GRM1: variants seen among roughly 807,000 people sequenced by gnomAD.
GRM1 encodes metabotropic glutamate receptor 1.
Under a neutral mutation model 90.9 loss-of-function variants are expected in GRM1, and 33 were observed. That is an observed-to-expected ratio of 0.36 (90% CI 0.28 to 0.49). The LOEUF (loss-of-function observed/expected upper bound fraction) is 0.49, where lower values mean the gene tolerates loss of function less well. Ranked by LOEUF, GRM1 falls within the 20% of genes least tolerant of loss-of-function variation. The pLI is 0.99. For synonymous variants in GRM1, 700 were observed against 613.2 expected, an observed-to-expected ratio of 1.14 and a Z score of -2.09; for missense variants, 1,190 against 1,534.3, an observed-to-expected ratio of 0.78 and a Z score of 3.75.
At chr6:146,193,412 T>G (rs2114589310) in intron 2 of GRM1, among the ~76,000 whole-genome samples, 1 of 152,236 alleles carries the variant, frequency 6.6e-6, no homozygotes, top group East Asian at 1.9e-4. Flanking sequence ...GTAAAGAGAC[T>G]GAGACACTGC....
chr6:146,040,945 T>C (rs867068923), intron 1 of GRM1, among the ~76,000 whole-genome samples: 23 of 151,938 alleles, frequency 1.5e-4, no homozygotes, highest in Non-Finnish European at 2.8e-4. Flanking sequence ...TCTTTTTTTT[T>C]CTTTTTTCTC....
At chr6:146,247,623 C>T (rs907934632) in intron 2 of GRM1, among the ~76,000 whole-genome samples, 30 of 151,176 alleles carry the variant, frequency 2.0e-4, no homozygotes, top group East Asian at 1.8e-3. Context: ...TGATGGGGCA[C>T]GCCTGTAATC....
chr6:146,404,734 G>T (rs536947355), intron 7 of GRM1, among the ~76,000 whole-genome samples: 4 of 152,130 alleles, frequency 2.6e-5, no homozygotes, highest in Admixed American at 2.6e-4. Flanking sequence ...GAAGAGTATA[G>T]AATATAGATA....
At chr6:146,112,315 G>T (rs1181075796) in intron 1 of GRM1, among the ~76,000 whole-genome samples, 1 of 150,652 alleles carries the variant, frequency 6.6e-6, no homozygotes, top group South Asian at 2.1e-4. Flanking sequence ...TATAAGGAAT[G>T]AAGAATTTAC....
chr6:146,103,793 G>A (rs887603822), intron 1 of GRM1, among the ~76,000 whole-genome samples: 1 of 152,182 alleles, frequency 6.6e-6, no homozygotes, highest in African/African-American at 2.4e-5. Flanking sequence ...GATGATTAAG[G>A]CAAGATTCCT....
At chr6:146,218,910 A>G (rs1779963275) in intron 2 of GRM1, among the ~76,000 whole-genome samples, 1 of 152,214 alleles carries the variant, frequency 6.6e-6, no homozygotes, top group Admixed American at 6.5e-5. Context: ...CTGCACCACC[A>G]TTAAATCTGT....
chr6:146,331,020 C>T (rs1429370572), intron 3 of GRM1, among the ~76,000 whole-genome samples: 1 of 152,076 alleles, frequency 6.6e-6, no homozygotes, highest in Non-Finnish European at 1.5e-5. Context: ...ACTGATAGGA[C>T]AAGGAAGCAC....
intron 7 of GRM1, among the ~76,000 whole-genome samples, chr6:146,420,088 G>A (rs1777935686): frequency 1.3e-5 from 2 of 152,180 alleles, no homozygotes; most frequent in Admixed American, 1.3e-4. Flanking sequence ...CATTGGGTGG[G>A]TCAGAAAGAT....
intron 5 of GRM1, among the ~76,000 whole-genome samples, chr6:146,366,804 G>T: frequency 6.6e-6 from 1 of 152,024 alleles, no homozygotes; most frequent in East Asian, 1.9e-4. Context: ...TTATTAATCT[G>T]TTGTTGAATG....
Position 146,425,118 on chromosome 6 carries a change from G to C in GRM1, c.2661-8754G>C, listed in dbSNP as rs73785364. On this transcript the variant is annotated intron_variant, in intron 7 of 7. Transcript: ENST00000282753. ...TTGATGAGGATTTCAAATTACTCTC[G>C]GTAAATCATGCACCTTTAAATGATT... Among the ~76,000 whole-genome samples the C allele has an allele frequency of 2.6e-5, 4 of 152,000 alleles. No individual in the cohort carries two copies. The South Asian group carries it at 8.3e-4, about 32-fold the overall frequency.
intron 1 of GRM1, among the ~76,000 whole-genome samples, chr6:146,123,966 A>C (rs570875692): frequency 6.6e-6 from 1 of 152,362 alleles, no homozygotes; most frequent in East Asian, 1.9e-4. Context: ...TTCGAGTTTT[A>C]GTAATAAAAC....
At chr6:146,330,364 C>G (rs7758197) in intron 3 of GRM1, among the ~76,000 whole-genome samples, 141 of 152,152 alleles carry the variant, frequency 9.3e-4, no homozygotes, top group Admixed American at 2.8e-3. Context: ...TGAGTTTTTA[C>G]TAGGGAAACA....
intron 6 of GRM1, among the ~76,000 whole-genome samples, chr6:146,394,082 C>A (rs1316184098): frequency 6.6e-6 from 1 of 152,100 alleles, no homozygotes; most frequent in Non-Finnish European, 1.5e-5. Context: ...TGAAACTGAA[C>A]CTCTTCCTTA....
chr6:146,266,206 A>G (rs1009307014), intron 2 of GRM1, among the ~76,000 whole-genome samples: 1 of 152,208 alleles, frequency 6.6e-6, no homozygotes, highest in African/African-American at 2.4e-5. Context: ...AATACATATT[A>G]GAGAGTTAAC....
chr6:146,107,493 T>C (rs1051440404), intron 1 of GRM1, among the ~76,000 whole-genome samples: 1 of 152,124 alleles, frequency 6.6e-6, no homozygotes, highest in African/African-American at 2.4e-5. Context: ...CTTTGCCTAT[T>C]ACTGGCCTGA....
chr6:146,411,953 TA>T (rs1305425483), intron 7 of GRM1, among the ~76,000 whole-genome samples: 2 of 152,238 alleles, frequency 1.3e-5, no homozygotes, highest in African/African-American at 4.8e-5. Context: ...CAGATCTCTG[TA>T]AGGTGGAGGT....
At chr6:146,383,384 G>C (rs900356852) in intron 5 of GRM1, among the ~76,000 whole-genome samples, 2 of 152,112 alleles carry the variant, frequency 1.3e-5, no homozygotes, top group Non-Finnish European at 1.5e-5. Flanking sequence ...GATACAGCTG[G>C]TTGAAGTGAC....
chr6:146,150,842 A>G (rs1777297648), intron 1 of GRM1, among the ~76,000 whole-genome samples: 1 of 151,958 alleles, frequency 6.6e-6, no homozygotes, highest in African/African-American at 2.4e-5. Context: ...AGTTAACATA[A>G]TGTCCTCCAT....
At chr6:146,197,320 C>A (rs2114603330) in intron 2 of GRM1, among the ~76,000 whole-genome samples, 1 of 152,310 alleles carries the variant, frequency 6.6e-6, no homozygotes, top group Admixed American at 6.5e-5. Flanking sequence ...CAAAATTAAA[C>A]AAGTTTCTTT....
Sources: gnomAD v4.1 joint callset for allele counts (sites outside exome capture counted in the v4.1 genomes callset) on GRCh38, gnomAD v4.1.1 for gene constraint, MANE v1.5 for transcripts, NCBI Gene and HGNC (gene_info 2026-07-23, HGNC 2026-07-21) for gene names.